MPP1: variants seen among roughly 807,000 people sequenced by gnomAD.
The protein encoded by MPP1 is 55 kDa erythrocyte membrane protein.
Under a neutral mutation model 38.2 loss-of-function variants are expected in MPP1, and 6 were observed. The ratio of observed to expected loss-of-function variants is 0.16; its 90% CI spans 0.09 to 0.31. The LOEUF is 0.31. MPP1 is among the 10% of genes least tolerant of loss of function. The pLI is 1.00. For missense variants in MPP1, 293 were observed against 368.9 expected, an observed-to-expected ratio of 0.79 and a Z score of 1.69; for synonymous variants, 153 against 146.3, an observed-to-expected ratio of 1.05 and a Z score of -0.33.
At chrX:154,781,922 G>A (rs1303240864) in intron 9 of MPP1, 120 bp from the exon 10 acceptor site, 2 of 653,704 alleles carry the variant, frequency 3.1e-6, no homozygotes, top group Non-Finnish European at 4.7e-6. Flanking sequence ...TTAATACAGG[G>A]GTTCCTCCCG....
intron 1 of MPP1, among the ~76,000 whole-genome samples, chrX:154,802,908 A>C (rs1465873541): frequency 2.7e-5 from 3 of 112,398 alleles, no homozygotes; most frequent in South Asian, 3.6e-4. Flanking sequence ...ATTGAAGCCA[A>C]CAACTTCCTC....
rs781902044 is a variant in MPP1, at chrX:154,801,758, C to CAAAAAAAA, written c.102+3506_102+3513dup. Among the ~76,000 whole-genome samples the CAAAAAAAA allele has an allele frequency of 6.6e-3, 45 of 6,841 alleles. 6 individuals are homozygous for CAAAAAAAA. The highest frequency in any genetic ancestry group is 7.6e-3 in the Non-Finnish European group (34 of 4,484). The allele number at this position is 6,841 out of a possible 115,157, so 5.9% of individuals were successfully genotyped here. On this transcript the variant is annotated intron_variant, in intron 1 of 11. Transcript: ENST00000369534. ...TGGGTGACAGAGCAAAACTCTGTCT[C>CAAAAAAAA]AAAAAAAAAAAAAAAAAAAAAAAAA...
chrX:154,781,620 T>C lies in MPP1; in HGVS notation c.1129A>G (p.Ile377Val), dbSNP rs1557266654. ...CCCACCTGGGGCTCAATGTCAAGGA[T>C]GGCAATCTTGTTCTGCTTATGGATC... ...HQIHKQNKIA[I>V]LDIEPQTLKI... Residue 377 changes from isoleucine to valine, a missense_variant, in exon 10 of 12, where the codon ATC (isoleucine) becomes GTC (valine). Coordinates refer to ENST00000369534, the MANE Select transcript of MPP1 (RefSeq NM_002436.4). 2.5e-6 allele frequency: 3 copies of C among 1,211,142 alleles called. No individual in the cohort carries two copies. Among genetic ancestry groups the C allele is most frequent in the Non-Finnish European group, 2.2e-6 (2 of 895,517 alleles).
rs1557266286 is a variant in MPP1, at chrX:154,779,164, C to T, written c.*13G>A. On this transcript the variant is annotated 3_prime_UTR_variant, in exon 12 of 12. Transcript: ENST00000369534. ...GGAGAGGGGCATACAGTGGGTTCCC[C>T]CATTCTACAAGCTTAGTAAACCCAG... is the stretch of plus-strand genomic sequence containing the variant. The T allele has an allele frequency of 1.4e-5, 17 of 1,201,754 alleles. No individual in the cohort carries two copies. The highest frequency in any genetic ancestry group is 1.6e-5 in the Non-Finnish European group (14 of 890,517).
chrX:154,799,797 A>T, intron 1 of MPP1: 1 of 1,165,751 alleles, frequency 8.6e-7, no homozygotes, highest in East Asian at 3.3e-5. Context: ...TTAATCAGAC[A>T]AAGTGCTGGA....
chrX:154,799,926 G>A lies in MPP1; in HGVS notation c.102+5346C>T, dbSNP rs1433295077. 4 of 1,122,163 alleles carry A rather than the reference G, an allele frequency of 3.6e-6. No homozygotes were observed. The African/African-American group carries it at 7.3e-5, about 20-fold the overall frequency. 92.5% of individuals were successfully genotyped at this position (1,122,163 alleles called of 1,213,427 possible). On this transcript the variant is annotated intron_variant, in intron 1 of 11. Coordinates refer to ENST00000369534, the MANE Select transcript of MPP1 (RefSeq NM_002436.4). ...TTAAAAAGAGATGAAAAACAAACTTGGCGGGGGGCGGGCGGTGGCGGGGGT... is the reference window on the plus strand; with the variant it reads ...TTAAAAAGAGATGAAAAACAAACTTAGCGGGGGGCGGGCGGTGGCGGGGGT...
Position 154,799,999 on chromosome X carries a change from G to C in MPP1, c.102+5273C>G, listed in dbSNP as rs2072244638. 7.9e-6 allele frequency: 5 copies of C among 629,979 alleles called. No homozygotes were observed. The African/African-American group carries it at 1.1e-4, about 14-fold the overall frequency. The allele number at this position is 629,979 out of a possible 1,213,427, so 51.9% of individuals were successfully genotyped here. On this transcript the variant is annotated intron_variant, in intron 1 of 11. Coordinates refer to ENST00000369534, the MANE Select transcript of MPP1 (RefSeq NM_002436.4). ...GTTGGCTTTCTAATCCAAACAATTA[G>C]ATTAAGTGACAGTGAACATAGGAAA...
intron 5 of MPP1, among the ~76,000 whole-genome samples, chrX:154,787,133 CACACACACACACA>C (rs1569558860): frequency 1.8e-4 from 19 of 107,707 alleles, no homozygotes; most frequent in Non-Finnish European, 3.1e-4. Flanking sequence ...CACACACACA[CACACACACACACA>C]CCTACCTCAT....
At chrX:154,796,255 C>T (rs1479714018) in intron 1 of MPP1, among the ~76,000 whole-genome samples, 1 of 110,531 alleles carries the variant, frequency 9.0e-6, no homozygotes, top group Non-Finnish European at 1.9e-5. Context: ...CTCAGCCTCC[C>T]GAGTAGCTGG....
rs782407680 is a variant in MPP1, at chrX:154,778,915, T to A, written c.*262A>T. On this transcript the variant is annotated 3_prime_UTR_variant, in exon 12 of 12. Coordinates refer to ENST00000369534, the MANE Select transcript of MPP1 (RefSeq NM_002436.4). ...GCTGTGCATCACCCTTGATTAGCAG[T>A]TACATTTTGGTAGTACTTCTTACCC... 20 of 342,342 alleles carry A rather than the reference T, an allele frequency of 5.8e-5. No homozygotes were observed. The highest frequency in any genetic ancestry group is 5.2e-4 in the African/African-American group (20 of 38,510). 28.2% of individuals were successfully genotyped at this position (342,342 alleles called of 1,213,427 possible).
chrX:154,799,098 A>C (rs782103709), intron 1 of MPP1, among the ~76,000 whole-genome samples: 6 of 111,970 alleles, frequency 5.4e-5, no homozygotes, highest in Non-Finnish European at 1.1e-4. Context: ...CCTTTAAATT[A>C]AAGACTCAGC....
intron 11 of MPP1, 90 bp downstream of exon 11, chrX:154,781,149 C>T (rs1473928438): frequency 1.8e-5 from 15 of 828,121 alleles, no homozygotes; most frequent in Non-Finnish European, 2.6e-5. Flanking sequence ...TGACCTCCAG[C>T]CAGCACTCTG....
intron 10 of MPP1, 67 bp from the exon 11 acceptor site, chrX:154,781,380 AC>A: frequency 2.2e-6 from 2 of 907,382 alleles, no homozygotes; most frequent in Non-Finnish European, 1.6e-6. Flanking sequence ...AAAAAAAAAA[AC>A]CTACATAGCT....
intron 6 of MPP1, 80 bp downstream of exon 6, chrX:154,786,124 C>T (rs1362922992): frequency 1.1e-5 from 11 of 959,713 alleles, no homozygotes; most frequent in Non-Finnish European, 1.4e-5. Context: ...ACAGAAACTA[C>T]AAACAAAATG....
At chrX:154,804,969 C>A (rs984561892) in intron 1 of MPP1, 3 of 399,852 alleles carry the variant, frequency 7.5e-6, no homozygotes, top group Non-Finnish European at 9.1e-6. Context: ...CTTTCTGTTA[C>A]TCTGACTTCC....
intron 5 of MPP1, among the ~76,000 whole-genome samples, chrX:154,789,578 A>C (rs1181814188): frequency 1.8e-5 from 2 of 111,776 alleles, no homozygotes; most frequent in Admixed American, 9.5e-5. Flanking sequence ...TCATATGTTC[A>C]ATGCTCATTT....
chrX:154,791,663 A>T, intron 3 of MPP1, 106 bp downstream of exon 3: 1 of 747,225 alleles, frequency 1.3e-6, no homozygotes, highest in Non-Finnish European at 2.0e-6. Context: ...CACTCACAAA[A>T]ATGCTACCAG....
intron 3 of MPP1, 42 bp downstream of exon 3, chrX:154,791,727 T>C: frequency 1.8e-6 from 2 of 1,106,573 alleles, no homozygotes; most frequent in Non-Finnish European, 2.5e-6. Context: ...AGTAAATTAT[T>C]AATCCCTGAA....
chrX:154,787,718 C>T (rs1227193314), intron 5 of MPP1, among the ~76,000 whole-genome samples: 2 of 111,720 alleles, frequency 1.8e-5, no homozygotes, highest in Non-Finnish European at 3.8e-5. Flanking sequence ...GCAATCCACC[C>T]GCCTCGGCCT....
Sources: allele counts gnomAD v4.1 joint callset (sites outside exome capture counted in the v4.1 genomes callset), GRCh38; gene constraint gnomAD v4.1.1; transcripts MANE v1.5; gene names NCBI Gene and HGNC (gene_info 2026-07-23, HGNC 2026-07-21).